KIF3C: variants seen among roughly 807,000 people sequenced by gnomAD.
KIF3C encodes the protein kinesin family member 3C, also known as kinesin-like protein KIF3C.
A neutral mutation model predicts 67.7 loss-of-function variants in KIF3C; 12 were observed. The observed-to-expected ratio is 0.18, with a 90% CI of 0.11 to 0.29. The LOEUF is 0.29. Among genes scored for constraint, KIF3C ranks in the 10% least tolerant of loss-of-function variants. The pLI is 1.00. For synonymous variants in KIF3C, 393 were observed against 426.2 expected (o/e 0.92, Z 0.96); for missense variants, 789 against 1,059.6 (o/e 0.74, Z 3.55).
intron 5 of KIF3C, among the ~76,000 whole-genome samples, chr2:25,944,347 C>CTTTT (rs34983264): frequency 1.5e-5 from 2 of 134,020 alleles, no homozygotes; most frequent in Non-Finnish European, 3.2e-5. Context: ...TCATAATTGC[C>CTTTT]TTTTTTTTTT....
intron 4 of KIF3C, among the ~76,000 whole-genome samples, chr2:25,952,374 T>C (rs1663639617): frequency 6.6e-6 from 1 of 151,774 alleles, no homozygotes; most frequent in Admixed American, 6.6e-5. Context: ...GTGGGGAAAA[T>C]CAAGAAGTTA....
chr2:25,943,470 G>A (rs906577988), intron 5 of KIF3C, among the ~76,000 whole-genome samples: 2 of 152,278 alleles, frequency 1.3e-5, no homozygotes, highest in African/African-American at 2.4e-5. Flanking sequence ...TTCAATTACC[G>A]TGGAATTGTT....
chr2:25,979,308 G>A (rs1317475489), intron 1 of KIF3C, among the ~76,000 whole-genome samples: 2 of 152,138 alleles, frequency 1.3e-5, no homozygotes, highest in Non-Finnish European at 2.9e-5. Flanking sequence ...GGTCCCGGGG[G>A]TGAGGAAACA....
chr2:25,976,498 A>G (rs890669382), intron 1 of KIF3C, among the ~76,000 whole-genome samples: 7 of 152,212 alleles, frequency 4.6e-5, no homozygotes, highest in African/African-American at 1.7e-4. Flanking sequence ...GCAGTGGCTC[A>G]TGCCTGTAAT....
At chr2:25,931,998 G>GTT (rs768781708) in intron 5 of KIF3C, among the ~76,000 whole-genome samples, 44 of 113,084 alleles carry the variant, frequency 3.9e-4, no homozygotes, top group African/African-American at 6.7e-4. Flanking sequence ...TGTTTCTTCT[G>GTT]TTTTGTTTTT....
rs188639830 is a variant in KIF3C at position 25,963,164 on chromosome 2, A to G, written c.1546-6720T>C. 3.8e-3 allele frequency among the ~76,000 whole-genome samples: 224 copies of G among 58,972 alleles called. 5 individuals are homozygous for G. Among genetic ancestry groups the G allele is most frequent in the African/African-American group, 0.014 (181 of 13,022 alleles). 38.7% of individuals were successfully genotyped at this position (58,972 alleles called of 152,430 possible). A position where few individuals can be genotyped will look rare whatever the true frequency, so the allele number is the denominator to read the frequency against. On this transcript the variant is annotated intron_variant, in intron 1 of 7. Transcript: ENST00000264712. ...TGCATATATGTGTGTGTGTGTATGT[A>G]TGTGTGTGTGTATATATATATATAT... is the stretch of plus-strand genomic sequence containing the variant.
chr2:25,954,478 C>G (rs1023112894), intron 3 of KIF3C, 93 bp from the exon 4 acceptor site: 31 of 903,014 alleles, frequency 3.4e-5, no homozygotes, highest in Non-Finnish European at 3.3e-5. Flanking sequence ...GGCTCAGAGT[C>G]TACCGACTCA....
intron 1 of KIF3C, among the ~76,000 whole-genome samples, chr2:25,962,851 ATATAATATAT>A (rs1478076340): frequency 1.0e-4 from 5 of 49,442 alleles, no homozygotes; most frequent in Non-Finnish European, 7.0e-5. Flanking sequence ...ATAATATATA[ATATAATATAT>A]AATATATATA....
Position 25,955,408 on chromosome 2 carries a change from C to G in KIF3C, c.1770+133G>C. ...CCTGCCTCCCCCTGTTGCTCACCCCCGAGGCCAAGCCATGTCACTCAGGGG... is the reference window on the plus strand; with the variant it reads ...CCTGCCTCCCCCTGTTGCTCACCCCGGAGGCCAAGCCATGTCACTCAGGGG... On this transcript the variant is annotated intron_variant, in intron 3 of 7. Transcript: ENST00000264712. This position sits in a 1 kb window ranked among gnomAD's most constrained non-coding sequence, Gnocchi z 5.0. 8.7e-7 allele frequency: 1 copy of G among 1,152,196 alleles called. No homozygotes were observed. Among genetic ancestry groups the G allele is most frequent in the Non-Finnish European group, 1.2e-6 (1 of 800,728 alleles). The allele number at this position is 1,152,196 out of a possible 1,614,324, so 71.4% of individuals were successfully genotyped here. A position where few individuals can be genotyped will look rare whatever the true frequency, so the allele number is the denominator to read the frequency against.
chr2:25,956,183 C>T (rs894476657), intron 2 of KIF3C, among the ~76,000 whole-genome samples, 160 bp downstream of exon 2: 3 of 152,152 alleles, frequency 2.0e-5, no homozygotes, highest in African/African-American at 7.2e-5. Flanking sequence ...AAGGGAAGAC[C>T]CTGGGCTAGT....
intron 5 of KIF3C, among the ~76,000 whole-genome samples, chr2:25,948,732 GGAAGGAAT>G (rs1200256120): frequency 1.4e-5 from 2 of 142,688 alleles, no homozygotes; most frequent in African/African-American, 5.1e-5. Flanking sequence ...AAGAAGAAAG[GGAAGGAAT>G]GAAGGGAGGG....
rs1041343575 is a variant in KIF3C, at chr2:25,955,475, A to C, written c.1770+66T>G. ...AAATGGGGAGGAGTCCCTGAAGCAC[A>C]CATCCCTTGGGCAGAGACTGCTGGG... On this transcript the variant is annotated intron_variant, in intron 3 of 7. Coordinates refer to ENST00000264712, the MANE Select transcript of KIF3C (RefSeq NM_002254.8). The surrounding 1 kb of genome is among the most constrained non-coding windows in gnomAD (Gnocchi z 5.0). 4 of 1,581,630 alleles carry C rather than the reference A, an allele frequency of 2.5e-6. No homozygotes were observed. The highest frequency in any genetic ancestry group is 3.5e-6 in the Non-Finnish European group (4 of 1,157,758).
At chr2:25,938,168 G>A in intron 5 of KIF3C, 1 of 382,050 alleles carries the variant, frequency 2.6e-6, no homozygotes, top group South Asian at 1.9e-5. Flanking sequence ...TTCAAGACCA[G>A]CCTGGCCAAT....
At chr2:25,938,292 AGGTT>A in intron 5 of KIF3C, 1 of 450,608 alleles carries the variant, frequency 2.2e-6, no homozygotes, top group Non-Finnish European at 4.4e-6. Flanking sequence ...TGGGAGATGG[AGGTT>A]TCAGTGAGCT....
At chr2:25,966,174 C>T (rs1003219675) in intron 1 of KIF3C, among the ~76,000 whole-genome samples, 4 of 151,800 alleles carry the variant, frequency 2.6e-5, no homozygotes, top group Admixed American at 2.0e-4. Context: ...GGCACAATCT[C>T]GGCTCACTGC....
chr2:25,928,625 CA>C lies in KIF3C; in HGVS notation c.*352del. On this transcript the variant is annotated 3_prime_UTR_variant, in exon 8 of 8. Transcript: ENST00000264712. ...GTAGAAAAGGGACTGTCTTCTCAGGCACTGGCTACCTTCCCTTCTGGAGGCA... is the reference window on the plus strand; with the variant it reads ...GTAGAAAAGGGACTGTCTTCTCAGGCCTGGCTACCTTCCCTTCTGGAGGCA... 1 of 189,282 alleles carries C rather than the reference CA, an allele frequency of 5.3e-6. No homozygotes were observed. Among genetic ancestry groups the C allele is most frequent in the Non-Finnish European group, 1.1e-5 (1 of 90,594 alleles). 11.7% of individuals were successfully genotyped at this position (189,282 alleles called of 1,614,324 possible).
At chr2:25,948,650 GAGAA>G (rs1360490454) in intron 5 of KIF3C, among the ~76,000 whole-genome samples, 1 of 145,468 alleles carries the variant, frequency 6.9e-6, no homozygotes, top group Non-Finnish European at 1.5e-5. Context: ...AAGAGAAAGA[GAGAA>G]AGAGAAAGAG....
At chr2:25,969,888 G>T (rs1031499444) in intron 1 of KIF3C, among the ~76,000 whole-genome samples, 2 of 152,110 alleles carry the variant, frequency 1.3e-5, no homozygotes, top group Admixed American at 1.3e-4. Context: ...GCTAATTTTT[G>T]TATTTTTGGT....
At chr2:25,935,316 A>C (rs1441109140) in intron 5 of KIF3C, among the ~76,000 whole-genome samples, 1 of 152,176 alleles carries the variant, frequency 6.6e-6, no homozygotes, top group Non-Finnish European at 1.5e-5. Flanking sequence ...AACTTCACTA[A>C]GCAAATAATC....
Sources: allele counts gnomAD v4.1 joint callset (sites outside exome capture counted in the v4.1 genomes callset), GRCh38; gene constraint gnomAD v4.1.1; non-coding constraint Gnocchi (gnomAD v3.1); transcripts MANE v1.5; gene names NCBI Gene and HGNC (gene_info 2026-07-23, HGNC 2026-07-21).